Variants in SORCS2 observed in about 807,000 individuals in gnomAD.
SORCS2 encodes sortilin related VPS10 domain containing receptor 2, also known as VPS10 domain-containing receptor SorCS2.
In SORCS2, 100 loss-of-function variants were observed where a neutral mutation model predicts 141.6. The observed-to-expected ratio is 0.71, with a 90% CI of 0.60 to 0.83. The LOEUF is 0.83. SORCS2 is among the 40% of genes least tolerant of loss of function. SORCS2 has a pLI of 0.00. For synonymous variants in SORCS2, 789 were observed against 676.9 expected, an observed-to-expected ratio of 1.17 and a Z score of -2.57; for missense variants, 1,646 against 1,560.2, an observed-to-expected ratio of 1.05 and a Z score of -0.93.
At chr4:7,583,284 C>T (rs529174174) in intron 3 of SORCS2, among the ~76,000 whole-genome samples, 4 of 152,238 alleles carry the variant, frequency 2.6e-5, no homozygotes, top group South Asian at 4.2e-4. Context: ...TGCCCACTTT[C>T]GAGAGAGGGA....
intron 1 of SORCS2, among the ~76,000 whole-genome samples, chr4:7,383,717 A>G (rs1723128197): frequency 6.6e-6 from 1 of 152,254 alleles, no homozygotes; most frequent in Admixed American, 6.5e-5. Flanking sequence ...CACATTTTGA[A>G]TAGCAACGAC....
At chr4:7,540,200 CCCTCCCT>C (rs1712510114) in intron 3 of SORCS2, among the ~76,000 whole-genome samples, 2 of 132,244 alleles carry the variant, frequency 1.5e-5, no homozygotes, top group Non-Finnish European at 3.3e-5. Context: ...CCCTCCCTGC[CCCTCCCT>C]GCCCCTGCCT....
intron 1 of SORCS2, among the ~76,000 whole-genome samples, chr4:7,349,674 C>A (rs1720830327): frequency 6.6e-6 from 1 of 152,198 alleles, no homozygotes; most frequent in Non-Finnish European, 1.5e-5. Context: ...GTGAGGCTCA[C>A]CCAGTGGGTG....
chr4:7,314,635 G>A (rs1470280389), intron 1 of SORCS2, among the ~76,000 whole-genome samples: 3 of 151,956 alleles, frequency 2.0e-5, no homozygotes, highest in Non-Finnish European at 4.4e-5. Flanking sequence ...CACCGCACCC[G>A]GCCAATCATG....
intron 1 of SORCS2, among the ~76,000 whole-genome samples, chr4:7,376,453 T>C (rs991405206): frequency 6.6e-6 from 1 of 152,040 alleles, no homozygotes; most frequent in African/African-American, 2.4e-5. Context: ...GGTGGGCGCC[T>C]ATAATCCCAG....
chr4:7,493,977 A>T (rs1432533946), intron 2 of SORCS2, among the ~76,000 whole-genome samples: 1 of 152,166 alleles, frequency 6.6e-6, no homozygotes, highest in Non-Finnish European at 1.5e-5. Flanking sequence ...CCCACTTAAC[A>T]TACAGACAGC....
intron 1 of SORCS2, among the ~76,000 whole-genome samples, chr4:7,257,528 T>A (rs757372142): frequency 9.2e-5 from 14 of 152,118 alleles, no homozygotes; most frequent in Non-Finnish European, 1.9e-4. Context: ...ATTTTAATAA[T>A]GCCCCTTCTC....
intron 3 of SORCS2, among the ~76,000 whole-genome samples, chr4:7,624,318 C>G (rs1310043390): frequency 1.3e-5 from 2 of 152,184 alleles, no homozygotes; most frequent in Non-Finnish European, 2.9e-5. Context: ...CAAATGGTCC[C>G]TAAATGGATG....
chr4:7,210,523 T>C (rs12509590), intron 1 of SORCS2, among the ~76,000 whole-genome samples: 76,400 of 152,062 alleles, frequency 0.5, 20,505 homozygotes, highest in Middle Eastern at 0.62. Flanking sequence ...TCGAGGGATC[T>C]ATCCACCTTA....
intron 14 of SORCS2, among the ~76,000 whole-genome samples, chr4:7,710,008 T>C (rs1725720319): frequency 1.3e-5 from 2 of 152,200 alleles, no homozygotes; most frequent in Non-Finnish European, 2.9e-5. Context: ...ATTAACTAGA[T>C]GGCAGCTCTT....
intron 1 of SORCS2, among the ~76,000 whole-genome samples, chr4:7,197,322 G>A (rs11727415): frequency 7.2e-5 from 11 of 152,226 alleles, no homozygotes; most frequent in East Asian, 3.9e-4. Flanking sequence ...GGACTTCAAC[G>A]TATGGATTTT....
chr4:7,383,715 G>A (rs966328092), intron 1 of SORCS2, among the ~76,000 whole-genome samples: 2 of 152,086 alleles, frequency 1.3e-5, no homozygotes, highest in African/African-American at 4.8e-5. Context: ...AGCACATTTT[G>A]AATAGCAACG....
rs1722343804 is a variant in SORCS2 at position 7,664,021 on chromosome 4, G to C, written c.953-332G>C. On this transcript the variant is annotated intron_variant, in intron 6 of 26. Coordinates refer to ENST00000507866, the MANE Select transcript of SORCS2 (RefSeq NM_020777.3). The surrounding 1 kb of genome is among the most constrained non-coding windows in gnomAD (Gnocchi z 4.7). ...CCCCCATCCCTGCTTAGGTGTGAGA[G>C]ACTTCAGGAGGGTATGGGGGCCGTG... Among the ~76,000 whole-genome samples the C allele has an allele frequency of 1.3e-5, 2 of 152,178 alleles. No homozygotes were observed. Among genetic ancestry groups the C allele is most frequent in the Admixed American group, 6.5e-5 (1 of 15,286 alleles).
intron 4 of SORCS2, among the ~76,000 whole-genome samples, chr4:7,642,651 AT>A (rs1261557760): frequency 6.6e-6 from 1 of 152,184 alleles, no homozygotes; most frequent in Non-Finnish European, 1.5e-5. Context: ...ATCTGCAACA[AT>A]CATACTGAGT....
intron 3 of SORCS2, among the ~76,000 whole-genome samples, chr4:7,563,733 G>A (rs999468777): frequency 6.6e-6 from 1 of 152,236 alleles, no homozygotes; most frequent in Non-Finnish European, 1.5e-5. Context: ...CACAGATGGA[G>A]TTTATTCCCT....
chr4:7,351,285 C>A (rs190055088), intron 1 of SORCS2, among the ~76,000 whole-genome samples: 6 of 152,312 alleles, frequency 3.9e-5, no homozygotes. Context: ...ACAACGGAAC[C>A]TTGTCACAGC....
At position 7,336,769 on chromosome 4, in the gene SORCS2, G is replaced by A. The variant is rs1034203057; in HGVS notation, c.481-59519G>A. Among the ~76,000 whole-genome samples the A allele has an allele frequency of 1.3e-5, 2 of 152,126 alleles. 1 individual carries two copies. Among genetic ancestry groups the A allele is most frequent in the African/African-American group, 4.8e-5 (2 of 41,400 alleles). On this transcript the variant is annotated intron_variant, in intron 1 of 26. Coordinates refer to ENST00000507866, the MANE Select transcript of SORCS2 (RefSeq NM_020777.3). ...AGCCGTGCCCAGACGCAATCCCTGA[G>A]CAGCTTGGGTGGCAGGCTCCAGAGG...
intron 14 of SORCS2, 119 bp downstream of exon 14, chr4:7,704,403 G>A: frequency 1.1e-6 from 1 of 883,146 alleles, no homozygotes; most frequent in Non-Finnish European, 1.7e-6. Flanking sequence ...TCTGCCACCT[G>A]CCCCAGGTCC....
intron 1 of SORCS2, among the ~76,000 whole-genome samples, chr4:7,332,909 C>A (rs1279523490): frequency 6.6e-6 from 1 of 152,208 alleles, no homozygotes; most frequent in Non-Finnish European, 1.5e-5. Context: ...CAGATGTGGC[C>A]TTGGACCAGT....
Sources: allele counts gnomAD v4.1 joint callset (sites outside exome capture counted in the v4.1 genomes callset), GRCh38; gene constraint gnomAD v4.1.1; non-coding constraint Gnocchi (gnomAD v3.1); transcripts MANE v1.5; gene names NCBI Gene and HGNC (gene_info 2026-07-23, HGNC 2026-07-21).